ATRNL1: variants seen among roughly 807,000 people sequenced by gnomAD.
ATRNL1 encodes the protein attractin-like protein 1.
Under a neutral mutation model 182.7 loss-of-function variants are expected in ATRNL1, and 95 were observed. The observed-to-expected ratio is 0.52, with a 90% CI of 0.44 to 0.62. The LOEUF (loss-of-function observed/expected upper bound fraction) is 0.62, where lower values mean the gene tolerates loss of function less well. Among genes scored for constraint, ATRNL1 ranks in the 20% least tolerant of loss-of-function variants. The pLI, the probability that ATRNL1 is intolerant of heterozygous loss-of-function variation, is 0.00. For missense variants in ATRNL1, 1,471 were observed against 1,679.5 expected, an observed-to-expected ratio of 0.88 and a Z score of 2.17; for synonymous variants, 576 against 568.3, an observed-to-expected ratio of 1.01 and a Z score of -0.19.
intron 1 of ATRNL1, among the ~76,000 whole-genome samples, chr10:115,111,448 A>G (rs1297080978): frequency 6.6e-6 from 1 of 152,338 alleles, no homozygotes; most frequent in Non-Finnish European, 1.5e-5. Context: ...TGGCACCAGC[A>G]TCTGCTTGTA....
At chr10:115,882,895 G>A (rs1951858947) in intron 28 of ATRNL1, among the ~76,000 whole-genome samples, 1 of 152,148 alleles carries the variant, frequency 6.6e-6, no homozygotes, top group African/African-American at 2.4e-5. Context: ...AGTTATTTAT[G>A]GAAGGAATAA....
At chr10:115,730,799 G>T (rs1200677621) in intron 27 of ATRNL1, among the ~76,000 whole-genome samples, 1 of 152,024 alleles carries the variant, frequency 6.6e-6, no homozygotes. Context: ...TTGTGTATAT[G>T]TATATATTCT....
rs538330446 is a variant in ATRNL1, at chr10:115,523,688, T to C, written c.3716+4364T>C. 1.5e-4 allele frequency among the ~76,000 whole-genome samples: 23 copies of C among 152,316 alleles called. No homozygotes were observed. The South Asian group carries it at 3.5e-3, about 23-fold the overall frequency. ...AGTTCCAGTGATTTCCTCATTTCAG[T>C]CTGAGACCCTCAACATGGCCTTTAC... On this transcript the variant is annotated intron_variant, in intron 25 of 28. Transcript: ENST00000355044.
At chr10:115,534,121 T>C (rs1272326552) in intron 25 of ATRNL1, among the ~76,000 whole-genome samples, 12 of 152,116 alleles carry the variant, frequency 7.9e-5, no homozygotes, top group African/African-American at 1.9e-4. Context: ...CTATTAGGTC[T>C]GCTTGGTGCA....
intron 5 of ATRNL1, among the ~76,000 whole-genome samples, chr10:115,132,131 C>T (rs1845272074): frequency 6.6e-6 from 1 of 150,944 alleles, no homozygotes; most frequent in Non-Finnish European, 1.5e-5. Context: ...CTTCCTGTGT[C>T]CAAGTGTTCT....
chr10:115,650,234 A>G (rs12267791), intron 26 of ATRNL1, among the ~76,000 whole-genome samples: 1,771 of 152,118 alleles, frequency 0.012, 36 homozygotes, highest in African/African-American at 0.04. Flanking sequence ...CAGTTCAATG[A>G]CCTTCTTCCC....
intron 26 of ATRNL1, chr10:115,597,583 T>C (rs1283643630): frequency 2.7e-6 from 1 of 374,740 alleles, no homozygotes; most frequent in Non-Finnish European, 5.1e-6. Context: ...TTTTTTTTTT[T>C]TTTTTGGAGA....
At chr10:115,239,844 C>T (rs1850340061) in intron 9 of ATRNL1, among the ~76,000 whole-genome samples, 1 of 152,154 alleles carries the variant, frequency 6.6e-6, no homozygotes, top group South Asian at 2.1e-4. Context: ...CCAGACCTCT[C>T]ATGATCTTTC....
intron 19 of ATRNL1, among the ~76,000 whole-genome samples, chr10:115,341,791 T>G (rs1413691079): frequency 6.6e-6 from 1 of 152,126 alleles, no homozygotes; most frequent in Non-Finnish European, 1.5e-5. Context: ...ATTCTTTTGT[T>G]TTTCGTCTTG....
intron 17 of ATRNL1, among the ~76,000 whole-genome samples, chr10:115,313,877 C>T (rs1167136881): frequency 6.6e-6 from 1 of 152,036 alleles, no homozygotes; most frequent in Non-Finnish European, 1.5e-5. Flanking sequence ...TAGATATTTT[C>T]CCTTATGTCC....
intron 10 of ATRNL1, among the ~76,000 whole-genome samples, chr10:115,259,245 T>C (rs1294957847): frequency 6.6e-6 from 1 of 152,180 alleles, no homozygotes; most frequent in African/African-American, 2.4e-5. Flanking sequence ...CTAGAGACGG[T>C]AGGCCTTGGT....
At chr10:115,626,440 T>C (rs893117613) in intron 26 of ATRNL1, among the ~76,000 whole-genome samples, 2 of 152,180 alleles carry the variant, frequency 1.3e-5, no homozygotes, top group African/African-American at 2.4e-5. Flanking sequence ...TGCTTAAGCA[T>C]CTGTCCATGA....
At chr10:115,355,438 G>A (rs1382148956) in intron 19 of ATRNL1, among the ~76,000 whole-genome samples, 1 of 152,080 alleles carries the variant, frequency 6.6e-6, no homozygotes, top group African/African-American at 2.4e-5. Flanking sequence ...GAAAGTGAAG[G>A]GAGAATTCCT....
intron 26 of ATRNL1, among the ~76,000 whole-genome samples, chr10:115,679,922 T>C (rs1235305357): frequency 1.3e-5 from 2 of 152,072 alleles, no homozygotes; most frequent in Non-Finnish European, 2.9e-5. Flanking sequence ...CAACATACTC[T>C]ACTAATATTC....
At chr10:115,394,890 T>C in intron 20 of ATRNL1, 138 bp downstream of exon 20, 1 of 657,408 alleles carries the variant, frequency 1.5e-6, no homozygotes. Flanking sequence ...ATTTTAGATT[T>C]GAGGGTACAT....
Position 115,393,048 on chromosome 10 carries a change from T to G in ATRNL1, c.3176-1611T>G, listed in dbSNP as rs1844108035. On this transcript the variant is annotated intron_variant, in intron 19 of 28. Transcript: ENST00000355044. ...GACCCACAGCAGACTCTTCAAAAAC[T>G]TCTGTGAAGTCCCACTCATTAGGCT... Among the ~76,000 whole-genome samples, 4 of 152,098 alleles carry G rather than the reference T, an allele frequency of 2.6e-5. No individual in the cohort carries two copies. The South Asian group carries it at 8.3e-4, about 32-fold the overall frequency.
intron 24 of ATRNL1, among the ~76,000 whole-genome samples, chr10:115,502,564 A>G (rs1419995827): frequency 6.6e-6 from 1 of 152,164 alleles, no homozygotes; most frequent in Admixed American, 6.6e-5. Context: ...TTTATAAACA[A>G]TTTATAAAAT....
chr10:115,565,820 A>C (rs565980267), intron 26 of ATRNL1, among the ~76,000 whole-genome samples: 2 of 152,250 alleles, frequency 1.3e-5, no homozygotes, highest in Non-Finnish European at 2.9e-5. Flanking sequence ...TTTTTCTACT[A>C]GTATAAAAGT....
intron 20 of ATRNL1, among the ~76,000 whole-genome samples, chr10:115,406,127 A>G (rs971215425): frequency 6.6e-6 from 1 of 151,908 alleles, no homozygotes; most frequent in Non-Finnish European, 1.5e-5. Context: ...AGTCTTTGCT[A>G]TTGTGAGTAG....
Sources: allele counts gnomAD v4.1 joint callset (sites outside exome capture counted in the v4.1 genomes callset), GRCh38; gene constraint gnomAD v4.1.1; transcripts MANE v1.5; gene names NCBI Gene and HGNC (gene_info 2026-07-23, HGNC 2026-07-21).